CAMTA1: variants seen among roughly 807,000 people sequenced by gnomAD.
The protein encoded by CAMTA1 is calmodulin binding transcription activator 1.
In CAMTA1, 27 loss-of-function variants were observed where a neutral mutation model predicts 170.9. The ratio of observed to expected loss-of-function variants is 0.16; its 90% CI spans 0.12 to 0.22. The LOEUF (loss-of-function observed/expected upper bound fraction) is 0.22. CAMTA1 is among the 10% of genes least tolerant of loss of function. The pLI is 1.00. For synonymous variants in CAMTA1, 833 were observed against 891.5 expected (o/e 0.93, Z 1.17); for missense variants, 1,619 against 2,217.2 (o/e 0.73, Z 5.42).
At chr1:7,740,213 A>G (rs1041591010) in intron 16 of CAMTA1, among the ~76,000 whole-genome samples, 1 of 152,264 alleles carries the variant, frequency 6.6e-6, no homozygotes, top group African/African-American at 2.4e-5. Context: ...CATTTCTTCT[A>G]TAAAGAGCCA....
In CAMTA1 at chr1:7,633,979, G is replaced by A. The variant is rs1449809616; in HGVS notation, c.511-6421G>A. On this transcript the variant is annotated intron_variant, in intron 6 of 22. Transcript: ENST00000303635. The surrounding 1 kb of genome is among the most constrained non-coding windows in gnomAD (Gnocchi z 4.1). ...CAGGGAGAGAAGCGGCAGATCTGGG[G>A]AATGGGGTGGCGGGAGCCAGGTGCA... 1.3e-5 allele frequency among the ~76,000 whole-genome samples: 2 copies of A among 152,224 alleles called. No individual in the cohort carries two copies. Among genetic ancestry groups the A allele is most frequent in the African/African-American group, 4.8e-5 (2 of 41,446 alleles).
chr1:6,985,999 C>T (rs75508773), intron 3 of CAMTA1, among the ~76,000 whole-genome samples: 2,462 of 152,304 alleles, frequency 0.016, 40 homozygotes, highest in Middle Eastern at 0.034. Context: ...CCTTCAGGCA[C>T]GGAAGAACAT....
intron 4 of CAMTA1, among the ~76,000 whole-genome samples, chr1:7,227,482 C>T (rs1661927618): frequency 1.3e-5 from 2 of 152,084 alleles, no homozygotes. Flanking sequence ...CATGCGCCAC[C>T]ATGCCTGGCT....
rs74482078 is a variant in CAMTA1, at chr1:6,995,903, C to T, written c.235-95401C>T. ...GGCTAGTTCAAACAATTTTGGTGGGCTCTGAGCGAAGGGGCTGTCTCTTGC... is the reference window on the plus strand; with the variant it reads ...GGCTAGTTCAAACAATTTTGGTGGGTTCTGAGCGAAGGGGCTGTCTCTTGC... On this transcript the variant is annotated intron_variant, in intron 3 of 22. Transcript: ENST00000303635. Among the ~76,000 whole-genome samples the T allele has an allele frequency of 4.7e-3, 715 of 152,290 alleles. 5 individuals carry two copies. The highest frequency in any genetic ancestry group is 0.016 in the African/African-American group (684 of 41,556).
At chr1:7,428,746 C>A (rs913287011) in intron 5 of CAMTA1, among the ~76,000 whole-genome samples, 22 of 151,924 alleles carry the variant, frequency 1.4e-4, no homozygotes, top group Non-Finnish European at 2.9e-4. Context: ...CCCCACCACC[C>A]CTGTGCCTAA....
intron 5 of CAMTA1, among the ~76,000 whole-genome samples, chr1:7,304,930 G>A (rs896329902): frequency 1.3e-5 from 2 of 151,416 alleles, no homozygotes; most frequent in Non-Finnish European, 3.0e-5. Context: ...GCCATTTCTT[G>A]TTCCAAAATT....
At chr1:7,082,841 T>A (rs1640212908) in intron 3 of CAMTA1, among the ~76,000 whole-genome samples, 1 of 152,220 alleles carries the variant, frequency 6.6e-6, no homozygotes, top group Non-Finnish European at 1.5e-5. Context: ...GGACACATCG[T>A]CCGTGCTGCT....
At chr1:7,015,704 T>C (rs1432246236) in intron 3 of CAMTA1, among the ~76,000 whole-genome samples, 3 of 152,096 alleles carry the variant, frequency 2.0e-5, no homozygotes, top group African/African-American at 7.2e-5. Flanking sequence ...GCAATTTATA[T>C]AGAAAAAAGG....
At chr1:7,752,766 T>G (rs770874775) in intron 21 of CAMTA1, among the ~76,000 whole-genome samples, 1 of 152,240 alleles carries the variant, frequency 6.6e-6, no homozygotes, top group Admixed American at 6.5e-5. Context: ...TTCATGCCCG[T>G]GTTTTTCTGT....
intron 4 of CAMTA1, among the ~76,000 whole-genome samples, chr1:7,118,595 C>T (rs1244347595): frequency 6.6e-6 from 1 of 151,938 alleles, no homozygotes; most frequent in Non-Finnish European, 1.5e-5. Flanking sequence ...AGCTTTGATG[C>T]TTTTGATTCT....
intron 5 of CAMTA1, among the ~76,000 whole-genome samples, chr1:7,462,261 G>A (rs2149514583): frequency 6.6e-6 from 1 of 151,968 alleles, no homozygotes; most frequent in Non-Finnish European, 1.5e-5. Context: ...CCAAGGAGCT[G>A]GTATTTTTAT....
intron 3 of CAMTA1, among the ~76,000 whole-genome samples, chr1:7,027,185 G>A (rs1047406142): frequency 7.9e-5 from 12 of 152,098 alleles, no homozygotes; most frequent in Admixed American, 6.5e-5. Flanking sequence ...TATCTTTCTC[G>A]CCTCTGGAGA....
At chr1:7,614,145 G>T (rs1448558612) in intron 6 of CAMTA1, among the ~76,000 whole-genome samples, 2 of 152,050 alleles carry the variant, frequency 1.3e-5, no homozygotes, top group Admixed American at 6.5e-5. Context: ...TTTGGCAGGA[G>T]AAATGAGGAT....
At chr1:7,490,447 T>C (rs2093685646) in intron 6 of CAMTA1, among the ~76,000 whole-genome samples, 2 of 151,968 alleles carry the variant, frequency 1.3e-5, no homozygotes, top group Admixed American at 6.6e-5. Context: ...AGGTCAGGAG[T>C]TCGAGACCAG....
chr1:7,207,537 A>T (rs1657967723), intron 4 of CAMTA1, among the ~76,000 whole-genome samples: 2 of 152,182 alleles, frequency 1.3e-5, no homozygotes, highest in Non-Finnish European at 2.9e-5. Context: ...ACAATCACCC[A>T]CAACTGAAAA....
chr1:7,571,706 T>C (rs1028880144), intron 6 of CAMTA1, among the ~76,000 whole-genome samples: 3 of 152,218 alleles, frequency 2.0e-5, no homozygotes, highest in African/African-American at 7.2e-5. Flanking sequence ...CCACGGTGCA[T>C]ATGTATCACA....
At chr1:7,344,542 A>G (rs540727333) in intron 5 of CAMTA1, among the ~76,000 whole-genome samples, 31 of 152,206 alleles carry the variant, frequency 2.0e-4, no homozygotes, top group African/African-American at 6.7e-4. Context: ...GTGATGGCCA[A>G]TTTATGGACC....
intron 18 of CAMTA1, 27 bp from the exon 19 acceptor site, chr1:7,747,683 T>G: frequency 6.5e-7 from 1 of 1,538,156 alleles, no homozygotes; most frequent in Non-Finnish European, 8.8e-7. Flanking sequence ...CATTACTGAT[T>G]TTTTTTCTCC....
intron 5 of CAMTA1, among the ~76,000 whole-genome samples, chr1:7,385,862 T>C (rs1475244235): frequency 1.3e-5 from 2 of 152,156 alleles, no homozygotes; most frequent in African/African-American, 4.8e-5. Context: ...TCCGAGGCCC[T>C]CACTGGCCAT....
Sources: allele counts gnomAD v4.1 joint callset (sites outside exome capture counted in the v4.1 genomes callset), GRCh38; gene constraint gnomAD v4.1.1; non-coding constraint Gnocchi (gnomAD v3.1); transcripts MANE v1.5; gene names NCBI Gene and HGNC (gene_info 2026-07-23, HGNC 2026-07-21).